COL23A1: variants seen among roughly 807,000 people sequenced by gnomAD.
The protein encoded by COL23A1 is collagen alpha-1(XXIII) chain.
Under a neutral mutation model 99.3 loss-of-function variants are expected in COL23A1, and 97 were observed. That is an observed-to-expected ratio of 0.98 (90% confidence interval 0.83 to 1.16). COL23A1 has a LOEUF of 1.16. Among genes scored for constraint, COL23A1 ranks in the 50% most tolerant of loss-of-function variants. COL23A1 has a pLI of 0.00. For missense variants in COL23A1, 762 were observed against 757.4 expected (o/e 1.01, Z -0.07); for synonymous variants, 320 against 308.2 (o/e 1.04, Z -0.40).
At chr5:178,532,105 T>G (rs760260929) in intron 2 of COL23A1, among the ~76,000 whole-genome samples, 3 of 152,176 alleles carry the variant, frequency 2.0e-5, no homozygotes, top group Non-Finnish European at 4.4e-5. Context: ...ACTCGGAGAC[T>G]CCCCTTTTTG....
chr5:178,560,619 C>T, intron 2 of COL23A1, 63 bp downstream of exon 2: 2 of 1,489,772 alleles, frequency 1.3e-6, no homozygotes, highest in Non-Finnish European at 1.8e-6. Context: ...ATGCTGTTCT[C>T]AGCAATCCCA....
At chr5:178,238,851 C>A in intron 28 of COL23A1, 151 bp from the exon 29 acceptor site, 1 of 1,102,548 alleles carries the variant, frequency 9.1e-7, no homozygotes, top group Non-Finnish European at 1.4e-6. Flanking sequence ...GGACAATATC[C>A]CAGGGGGCAC....
chr5:178,588,926 C>T (rs931843100), intron 1 of COL23A1, among the ~76,000 whole-genome samples: 2 of 152,212 alleles, frequency 1.3e-5, no homozygotes, highest in African/African-American at 4.8e-5. Flanking sequence ...GGACAGCGAC[C>T]TTGGGGTCTG....
chr5:178,498,685 GA>G (rs1758365390), intron 2 of COL23A1, among the ~76,000 whole-genome samples: 1 of 152,142 alleles, frequency 6.6e-6, no homozygotes, highest in South Asian at 2.1e-4. Context: ...TATCTAAGTA[GA>G]GTAAAATTAT....
chr5:178,419,786 T>A (rs1309480840), intron 2 of COL23A1, among the ~76,000 whole-genome samples: 3 of 152,212 alleles, frequency 2.0e-5, no homozygotes, highest in African/African-American at 7.2e-5. Context: ...TAACAACAGC[T>A]GAGTCTTGGC....
At chr5:178,566,913 C>T (rs1299376035) in intron 1 of COL23A1, among the ~76,000 whole-genome samples, 1 of 152,216 alleles carries the variant, frequency 6.6e-6, no homozygotes, top group Non-Finnish European at 1.5e-5. Flanking sequence ...AGATGTTTCT[C>T]ACAGGGATTC....
chr5:178,372,547 G>A (rs1190888217), intron 2 of COL23A1, among the ~76,000 whole-genome samples: 1 of 152,182 alleles, frequency 6.6e-6, no homozygotes, highest in Non-Finnish European at 1.5e-5. Flanking sequence ...AGAGGGTGAG[G>A]TGGAGAGTGA....
At chr5:178,518,958 G>T (rs1440445983) in intron 2 of COL23A1, among the ~76,000 whole-genome samples, 1 of 148,364 alleles carries the variant, frequency 6.7e-6, no homozygotes, top group African/African-American at 2.5e-5. Context: ...TCGCGGCAGC[G>T]GCTCCGCTTC....
rs2127610498 is a variant in COL23A1, at chr5:178,310,685, G to A, written c.362-3766C>T. 6.6e-6 allele frequency among the ~76,000 whole-genome samples: 1 copy of A among 152,250 alleles called. No individual in the cohort carries two copies. Among genetic ancestry groups the A allele is most frequent in the African/African-American group, 2.4e-5 (1 of 41,550 alleles). ...CCTCTGGGGATGTGGTCCCTTTGCTGGGGCTGGCTGTGCCCCAGGGCATCT... is the reference window on the plus strand; with the variant it reads ...CCTCTGGGGATGTGGTCCCTTTGCTAGGGCTGGCTGTGCCCCAGGGCATCT... On this transcript the variant is annotated intron_variant, in intron 2 of 28. Transcript: ENST00000390654. The surrounding 1 kb of genome is among the most constrained non-coding windows in gnomAD (Gnocchi z 4.3).
At chr5:178,407,455 C>G (rs574179011) in intron 2 of COL23A1, among the ~76,000 whole-genome samples, 1 of 152,298 alleles carries the variant, frequency 6.6e-6, no homozygotes, top group South Asian at 2.1e-4. Flanking sequence ...ATACCAAGAA[C>G]CAGGCAAACC....
chr5:178,275,578 A>T (rs534517146), intron 5 of COL23A1, among the ~76,000 whole-genome samples: 2 of 152,156 alleles, frequency 1.3e-5, no homozygotes, highest in Non-Finnish European at 2.9e-5. Context: ...CATCATCATG[A>T]GGTCAGCGTG....
At chr5:178,382,698 A>C (rs1450325491) in intron 2 of COL23A1, among the ~76,000 whole-genome samples, 1 of 152,176 alleles carries the variant, frequency 6.6e-6, no homozygotes, top group Non-Finnish European at 1.5e-5. Context: ...TTAGCCCCAG[A>C]GGGGTATGAC....
intron 2 of COL23A1, among the ~76,000 whole-genome samples, chr5:178,479,156 G>C (rs181847159): frequency 5.9e-5 from 9 of 152,122 alleles, no homozygotes; most frequent in African/African-American, 1.9e-4. Context: ...AACACTCACA[G>C]ATACTTAACA....
At chr5:178,318,396 G>A (rs560249223) in intron 2 of COL23A1, among the ~76,000 whole-genome samples, 74 of 152,358 alleles carry the variant, frequency 4.9e-4, no homozygotes, top group African/African-American at 1.7e-3. Context: ...TCTCAGGCCT[G>A]GCAGAGCCCC....
At chr5:178,303,598 C>T (rs1420785765) in intron 3 of COL23A1, among the ~76,000 whole-genome samples, 2 of 152,208 alleles carry the variant, frequency 1.3e-5, no homozygotes, top group African/African-American at 4.8e-5. Flanking sequence ...CTAGCACAGA[C>T]ACTGTTGCCC....
chr5:178,418,771 C>T (rs547009998), intron 2 of COL23A1, among the ~76,000 whole-genome samples: 6 of 151,882 alleles, frequency 4.0e-5, no homozygotes, highest in African/African-American at 9.7e-5. Context: ...CTCTGCTTGT[C>T]GGCACTGGGA....
intron 1 of COL23A1, among the ~76,000 whole-genome samples, chr5:178,584,247 T>G (rs1763805172): frequency 6.6e-6 from 1 of 151,392 alleles, no homozygotes; most frequent in Admixed American, 6.6e-5. Context: ...TGACCTCAGG[T>G]GATCCACCCA....
intron 2 of COL23A1, among the ~76,000 whole-genome samples, chr5:178,517,873 C>CTTTTTTTTTTTTTTTT (rs71577021): frequency 2.0e-5 from 2 of 97,736 alleles, no homozygotes; most frequent in Non-Finnish European, 1.9e-5. Flanking sequence ...AACAGCGGTT[C>CTTTTTTTTTTTTTTTT]TTTTTTTTTT....
chr5:178,484,821 CAAAAAAAAAAAAAA>C (rs397746374), intron 2 of COL23A1, among the ~76,000 whole-genome samples: 1 of 90,436 alleles, frequency 1.1e-5, no homozygotes, highest in Non-Finnish European at 2.2e-5. Flanking sequence ...GACTCTGTCT[CAAAAAAAAAAAAAA>C]AAAAAAAAGA....
Sources: gnomAD v4.1 joint callset for allele counts (sites outside exome capture counted in the v4.1 genomes callset) on GRCh38, gnomAD v4.1.1 for gene constraint, Gnocchi (gnomAD v3.1) non-coding constraint, MANE v1.5 for transcripts, NCBI Gene and HGNC (gene_info 2026-07-23, HGNC 2026-07-21) for gene names.